Variants in ARHGAP26 observed in about 807,000 individuals in gnomAD.
ARHGAP26 encodes rho GTPase-activating protein 26.
ARHGAP26 carries 38 observed loss-of-function variants against 104.8 expected under a neutral mutation model. The ratio of observed to expected loss-of-function variants is 0.36; its 90% confidence interval spans 0.28 to 0.48. The LOEUF is 0.48. ARHGAP26 is among the 20% of genes least tolerant of loss of function. ARHGAP26 has a pLI of 0.99. For synonymous variants in ARHGAP26, 341 were observed against 340.0 expected, an observed-to-expected ratio of 1.00 and a Z score of -0.03; for missense variants, 704 against 947.9, an observed-to-expected ratio of 0.74 and a Z score of 3.38.
intron 11 of ARHGAP26, among the ~76,000 whole-genome samples, chr5:142,986,984 C>CG (rs1554186065): frequency 6.6e-6 from 1 of 152,064 alleles, no homozygotes; most frequent in Non-Finnish European, 1.5e-5. Flanking sequence ...TTTGGCAATG[C>CG]GGCTCTTTTT....
chr5:143,002,956 G>A (rs1197452752), intron 11 of ARHGAP26, among the ~76,000 whole-genome samples: 1 of 152,174 alleles, frequency 6.6e-6, no homozygotes, highest in African/African-American at 2.4e-5. Context: ...CCTACCCTCT[G>A]ATGGTCTATT....
chr5:143,218,734 G>A (rs1026190641), intron 22 of ARHGAP26, among the ~76,000 whole-genome samples: 1 of 152,250 alleles, frequency 6.6e-6, no homozygotes, highest in African/African-American at 2.4e-5. Context: ...TGTATAGCAT[G>A]TTGGACACTG....
chr5:142,894,256 C>G lies in ARHGAP26; in HGVS notation c.505C>G (p.Leu169Val). 1.2e-6 allele frequency: 2 copies of G among 1,613,864 alleles called. No individual in the cohort carries two copies. The highest frequency in any genetic ancestry group is 1.7e-6 in the Non-Finnish European group (2 of 1,179,884). Residue 169 changes from leucine (L) to valine (V), a missense_variant, in exon 6 of 23, where the codon CTG becomes GTG. Leu to Val is a conservative substitution (Grantham distance 32). Around this residue, in one of 6 missense-constraint regions of ARHGAP26, gnomAD observed 106 missense variants for 120.5 expected, o/e 0.88. Coordinates refer to ENST00000645722, the MANE Select transcript of ARHGAP26 (RefSeq NM_001135608.3). ...TTTGTAGGCAGACAGCCAAGTGGAC[C>G]TGGTCCGGCAGCATTTCTATGAAGT... ...QLQEADSQVDLVRQHFYEVSL... is the reference protein window; with the variant it reads ...QLQEADSQVDVVRQHFYEVSL...
At chr5:142,945,957 A>G (rs1016729117) in intron 11 of ARHGAP26, among the ~76,000 whole-genome samples, 2 of 152,202 alleles carry the variant, frequency 1.3e-5, no homozygotes, top group South Asian at 2.1e-4. Context: ...TGGAACAGTT[A>G]GAGGCTTGGC....
At chr5:143,076,245 A>C (rs1302127471) in intron 17 of ARHGAP26, among the ~76,000 whole-genome samples, 1 of 131,430 alleles carries the variant, frequency 7.6e-6, no homozygotes, top group Non-Finnish European at 1.6e-5. Context: ...CTATCCTCCC[A>C]CCTCAGCCTC....
In ARHGAP26 at chr5:143,227,616, C is replaced by T. The variant is rs536852427; in HGVS notation, c.*5170C>T. 4.4e-5 allele frequency: 10 copies of T among 229,644 alleles called. No homozygotes were observed. The highest frequency in any genetic ancestry group is 1.1e-4 in the Admixed American group (2 of 17,650). The allele number at this position is 229,644 out of a possible 1,614,324, so 14.2% of individuals were successfully genotyped here. A position where few individuals can be genotyped will look rare whatever the true frequency, so the allele number is the denominator to read the frequency against. ...TAATAATTAGCTTTTTTTCTCCTGC[C>T]GCCTACAGTACCTGTCTAACTAAAG... On this transcript the variant is annotated 3_prime_UTR_variant, in exon 23 of 23. Coordinates refer to ENST00000645722, the MANE Select transcript of ARHGAP26 (RefSeq NM_001135608.3).
intron 17 of ARHGAP26, among the ~76,000 whole-genome samples, chr5:143,069,605 A>G (rs976469615): frequency 6.6e-6 from 1 of 152,240 alleles, no homozygotes; most frequent in Non-Finnish European, 1.5e-5. Context: ...AAGACATCCA[A>G]CTGGAAATTT....
chr5:143,063,196 G>A (rs1309107481), intron 17 of ARHGAP26, among the ~76,000 whole-genome samples: 6 of 152,122 alleles, frequency 3.9e-5, no homozygotes, highest in Non-Finnish European at 8.8e-5. Context: ...CTCCCACCGG[G>A]AACTCAGAGT....
chr5:142,911,374 T>C (rs1598202891), intron 9 of ARHGAP26, among the ~76,000 whole-genome samples: 2 of 152,198 alleles, frequency 1.3e-5, no homozygotes, highest in East Asian at 3.8e-4. Context: ...ATGTGGACCC[T>C]GACCCCAGGG....
At chr5:143,101,508 C>T (rs1414007545) in intron 17 of ARHGAP26, among the ~76,000 whole-genome samples, 1 of 152,116 alleles carries the variant, frequency 6.6e-6, no homozygotes, top group African/African-American at 2.4e-5. Flanking sequence ...GGGGGTGACT[C>T]CTTCTCATCA....
intron 11 of ARHGAP26, among the ~76,000 whole-genome samples, chr5:142,976,275 C>A (rs1773075865): frequency 6.6e-6 from 1 of 152,100 alleles, no homozygotes. Flanking sequence ...GAGTATGAAA[C>A]CATTTAGAAA....
At chr5:142,894,893 T>A (rs37215) in intron 6 of ARHGAP26, among the ~76,000 whole-genome samples, 10,102 of 152,278 alleles carry the variant, frequency 0.066, 801 homozygotes, top group East Asian at 0.28. Flanking sequence ...GAGACTCTGC[T>A]GAGTGGACCA....
At chr5:142,945,826 T>G (rs985524714) in intron 11 of ARHGAP26, among the ~76,000 whole-genome samples, 9 of 152,208 alleles carry the variant, frequency 5.9e-5, no homozygotes, top group African/African-American at 2.2e-4. Context: ...TTATTATCTA[T>G]TTTACAAGTC....
At chr5:143,019,111 G>A (rs1320665522) in intron 12 of ARHGAP26, among the ~76,000 whole-genome samples, 1 of 152,108 alleles carries the variant, frequency 6.6e-6, no homozygotes, top group Non-Finnish European at 1.5e-5. Flanking sequence ...TGCTACCCAT[G>A]GGGACCCTTC....
chr5:142,999,138 T>G (rs1776845843), intron 11 of ARHGAP26, among the ~76,000 whole-genome samples: 1 of 152,154 alleles, frequency 6.6e-6, no homozygotes, highest in African/African-American at 2.4e-5. Context: ...CTTAGGAAAT[T>G]AAGATACAGA....
intron 17 of ARHGAP26, among the ~76,000 whole-genome samples, chr5:143,082,427 A>T (rs1216505116): frequency 6.6e-6 from 1 of 152,260 alleles, no homozygotes; most frequent in East Asian, 1.9e-4. Context: ...ATTTATGAGG[A>T]ACATAAAAAA....
chr5:142,855,901 A>G (rs1752280283), intron 1 of ARHGAP26, among the ~76,000 whole-genome samples: 2 of 152,222 alleles, frequency 1.3e-5, no homozygotes, highest in African/African-American at 4.8e-5. Flanking sequence ...ATGTAGGTCC[A>G]CAATACATAG....
chr5:143,193,880 T>A (rs894656100), intron 20 of ARHGAP26: 5 of 152,216 alleles, frequency 3.3e-5, no homozygotes, highest in African/African-American at 1.2e-4. Context: ...AAACATAGTA[T>A]ATACATAGTT....
chr5:142,973,201 G>A (rs368248918), intron 11 of ARHGAP26, among the ~76,000 whole-genome samples: 6 of 152,262 alleles, frequency 3.9e-5, no homozygotes, highest in Middle Eastern at 3.4e-3. Context: ...GAAAAGCTAA[G>A]ATAGATAGAA....
Sources: allele counts gnomAD v4.1 joint callset (sites outside exome capture counted in the v4.1 genomes callset), GRCh38; gene constraint gnomAD v4.1.1; regional missense constraint gnomAD v4.1.1; transcripts MANE v1.5; gene names NCBI Gene and HGNC (gene_info 2026-07-23, HGNC 2026-07-21).